DNAH6: variants seen among roughly 807,000 people sequenced by gnomAD.
The protein encoded by DNAH6 is dynein axonemal heavy chain 6, also known as axonemal beta dynein heavy chain 6.
DNAH6 carries 340 observed loss-of-function variants against 491.4 expected under a neutral mutation model. The ratio of observed to expected loss-of-function variants is 0.69; its 90% CI spans 0.63 to 0.76. The LOEUF (loss-of-function observed/expected upper bound fraction) is 0.76, where lower values mean the gene tolerates loss of function less well. Among genes scored for constraint, DNAH6 ranks in the 30% least tolerant of loss-of-function variants. DNAH6 has a pLI of 0.00. For missense variants in DNAH6, 4,443 were observed against 4,972.2 expected (o/e 0.89, Z 3.20); for synonymous variants, 1,603 against 1,686.1 (o/e 0.95, Z 1.21).
intron 68 of DNAH6, among the ~76,000 whole-genome samples, chr2:84,792,701 G>A (rs1297388641): frequency 1.3e-5 from 2 of 152,150 alleles, no homozygotes; most frequent in Non-Finnish European, 2.9e-5. Context: ...ATCCTGAAAG[G>A]CCTATGTGTC....
At chr2:84,695,440 A>G in intron 46 of DNAH6, among the ~76,000 whole-genome samples, 1 of 152,098 alleles carries the variant, frequency 6.6e-6, no homozygotes. Context: ...TCTGGAAGGT[A>G]GTTGGCAATA....
At chr2:84,494,871 C>A in the DNAH6 span, among the ~76,000 whole-genome samples, 3 of 152,140 alleles carry the variant, frequency 2.0e-5, no homozygotes, top group Admixed American at 2.0e-4. Context: ...TATTAAAATA[C>A]AGATTGATTC....
intron 11 of DNAH6, among the ~76,000 whole-genome samples, chr2:84,560,774 A>G (rs1421540517): frequency 6.6e-6 from 1 of 152,128 alleles, no homozygotes; most frequent in Non-Finnish European, 1.5e-5. Context: ...CCATGTCCCT[A>G]CAAACGACAT....
the DNAH6 span, among the ~76,000 whole-genome samples, chr2:84,479,694 A>C: frequency 6.6e-6 from 1 of 152,238 alleles, no homozygotes; most frequent in Non-Finnish European, 1.5e-5. Context: ...GTTGCTACTG[A>C]AAAGAGAGAA....
At chr2:84,710,503 G>A in intron 56 of DNAH6, 91 bp downstream of exon 56, 1 of 1,289,076 alleles carries the variant, frequency 7.8e-7, no homozygotes, top group Non-Finnish European at 1.1e-6. Context: ...TCATGCTAAA[G>A]ACACCAGTCA....
chr2:84,797,172 A>G (rs1457494628), intron 69 of DNAH6, among the ~76,000 whole-genome samples: 3 of 152,364 alleles, frequency 2.0e-5, no homozygotes, highest in South Asian at 2.1e-4. Context: ...TCAAACAAAT[A>G]TAAAAGCAAT....
chr2:84,545,398 G>C (rs1178114868), intron 5 of DNAH6, among the ~76,000 whole-genome samples: 1 of 152,066 alleles, frequency 6.6e-6, no homozygotes, highest in Non-Finnish European at 1.5e-5. Flanking sequence ...TTTCATTAAG[G>C]ATACATCAGT....
At chr2:84,527,308 A>G (rs569692582) in intron 3 of DNAH6, among the ~76,000 whole-genome samples, 112 of 152,220 alleles carry the variant, frequency 7.4e-4, no homozygotes, top group African/African-American at 2.5e-3. Flanking sequence ...ATCTGAACCT[A>G]TGTTACTGCT....
chr2:84,576,240 T>C (rs1331444258), intron 12 of DNAH6, among the ~76,000 whole-genome samples: 1 of 152,206 alleles, frequency 6.6e-6, no homozygotes, highest in African/African-American at 2.4e-5. Flanking sequence ...AGGTAATTGC[T>C]GTTTCTGTCT....
chr2:84,517,647 C>G (rs2104395907), intron 1 of DNAH6, among the ~76,000 whole-genome samples, 172 bp from the exon 2 acceptor site: 1 of 152,246 alleles, frequency 6.6e-6, no homozygotes, highest in Non-Finnish European at 1.5e-5. Context: ...ATTTTTTATT[C>G]CTTTGGTTCA....
At chr2:84,487,359 G>T in the DNAH6 span, among the ~76,000 whole-genome samples, 1 of 152,108 alleles carries the variant, frequency 6.6e-6, no homozygotes, top group Non-Finnish European at 1.5e-5. Flanking sequence ...TCAAATCCAG[G>T]CACCACAGTT....
intron 45 of DNAH6, among the ~76,000 whole-genome samples, chr2:84,691,772 C>T (rs901261197): frequency 6.6e-6 from 1 of 152,164 alleles, no homozygotes; most frequent in African/African-American, 2.4e-5. Flanking sequence ...TGAAATATTA[C>T]TCTTTAAAAA....
chr2:84,710,514 A>G (rs190680610), intron 56 of DNAH6, 102 bp downstream of exon 56: 1 of 1,191,210 alleles, frequency 8.4e-7, no homozygotes, highest in African/African-American at 1.6e-5. Context: ...ACACCAGTCA[A>G]CTCCATTTTC....
intron 68 of DNAH6, among the ~76,000 whole-genome samples, chr2:84,788,523 GA>G (rs1215157219): frequency 6.6e-6 from 1 of 151,974 alleles, no homozygotes; most frequent in Non-Finnish European, 1.5e-5. Flanking sequence ...GAACAATCTT[GA>G]AAAAAAGAAT....
At chr2:84,640,315 A>T (rs956834411) in intron 31 of DNAH6, 115 bp from the exon 32 acceptor site, 1 of 684,568 alleles carries the variant, frequency 1.5e-6, no homozygotes, top group African/African-American at 1.9e-5. Context: ...TGATTAAAAG[A>T]CATAACAACT....
chr2:84,735,591 G>A (rs2104996913), intron 62 of DNAH6, among the ~76,000 whole-genome samples: 1 of 152,192 alleles, frequency 6.6e-6, no homozygotes, highest in Non-Finnish European at 1.5e-5. Flanking sequence ...CTTTCTGATT[G>A]GTGTAAGATG....
chr2:84,803,301 G>T (rs573265941), intron 70 of DNAH6, among the ~76,000 whole-genome samples: 1 of 152,092 alleles, frequency 6.6e-6, no homozygotes, highest in East Asian at 1.9e-4. Context: ...ACTCCAAAAG[G>T]GGGGAAAAGG....
chr2:84,793,245 C>T (rs181327018), intron 68 of DNAH6, among the ~76,000 whole-genome samples: 24 of 152,274 alleles, frequency 1.6e-4, no homozygotes, highest in South Asian at 4.1e-4. Flanking sequence ...CACACACAAG[C>T]GGTCCCTCTT....
At chr2:84,461,366 T>G in the DNAH6 span, among the ~76,000 whole-genome samples, 2 of 152,224 alleles carry the variant, frequency 1.3e-5, no homozygotes, top group East Asian at 3.8e-4. Context: ...ATCTCATTAT[T>G]GGGCCACAAA....
Sources: gnomAD v4.1 joint callset for allele counts (sites outside exome capture counted in the v4.1 genomes callset) on GRCh38, gnomAD v4.1.1 for gene constraint, MANE v1.5 for transcripts, NCBI Gene and HGNC (gene_info 2026-07-23, HGNC 2026-07-21) for gene names.